Variants in PCDHGB1 observed in about 807,000 individuals in gnomAD.
PCDHGB1 encodes protocadherin gamma subfamily B, 1.
A neutral mutation model predicts 56.6 loss-of-function variants in PCDHGB1; 34 were observed. That is an observed-to-expected ratio of 0.60 (90% CI 0.46 to 0.80). The LOEUF (loss-of-function observed/expected upper bound fraction) is 0.80, where lower values mean the gene tolerates loss of function less well. Among genes scored for constraint, PCDHGB1 ranks in the 30% least tolerant of loss-of-function variants. The pLI is 0.00. For synonymous variants in PCDHGB1, 561 were observed against 505.9 expected, an observed-to-expected ratio of 1.11 and a Z score of -1.46; for missense variants, 1,278 against 1,204.6, an observed-to-expected ratio of 1.06 and a Z score of -0.90.
intron 1 of PCDHGB1, chr5:141,366,543 C>A: frequency 6.2e-7 from 1 of 1,614,244 alleles, no homozygotes; most frequent in Non-Finnish European, 8.5e-7. Context: ...GTGCCCGCCT[C>A]GCACTTTGTG....
At chr5:141,436,950 C>A (rs894702404) in intron 1 of PCDHGB1, among the ~76,000 whole-genome samples, 3 of 152,138 alleles carry the variant, frequency 2.0e-5, no homozygotes, top group African/African-American at 7.2e-5. Flanking sequence ...ATAGTGAAAT[C>A]TAAACAAGGA....
At chr5:141,353,808 C>T (rs1312387041) in intron 1 of PCDHGB1, among the ~76,000 whole-genome samples, 2 of 152,184 alleles carry the variant, frequency 1.3e-5, no homozygotes, top group Non-Finnish European at 2.9e-5. Context: ...TATTTCACCT[C>T]TCAATCATCC....
chr5:141,431,397 C>A lies in PCDHGB1; in HGVS notation c.2410-63410C>A. ...AAGGCTGCTCACCACCTGGTCCTTA[C>A]GGCCTCCGACGGGGGCGACCCGGTG... On this transcript the variant is annotated intron_variant, in intron 1 of 3. Coordinates refer to ENST00000523390, the MANE Select transcript of PCDHGB1 (RefSeq NM_018922.3). The surrounding 1 kb of genome is among the most constrained non-coding windows in gnomAD (Gnocchi z 4.8). 3.1e-6 allele frequency: 5 copies of A among 1,613,782 alleles called. No individual in the cohort carries two copies. Among genetic ancestry groups the A allele is most frequent in the Non-Finnish European group, 4.2e-6 (5 of 1,180,034 alleles).
In PCDHGB1 at chr5:141,366,878, A is replaced by AT. The variant is rs994289295; in HGVS notation, c.2409+14217dup. ...ACATTATTTGCTGTATTGGAGATTAATTTTTTTTATATAATTCATGCTTTC... is the reference window on the plus strand; with the variant it reads ...ACATTATTTGCTGTATTGGAGATTAATTTTTTTTTATATAATTCATGCTTTC... On this transcript the variant is annotated intron_variant, in intron 1 of 3. Coordinates refer to ENST00000523390, the MANE Select transcript of PCDHGB1 (RefSeq NM_018922.3). 4.5e-5 allele frequency: 61 copies of AT among 1,341,282 alleles called. No individual in the cohort carries two copies. The Admixed American group carries it at 4.7e-4, about 10-fold the overall frequency. 83.1% of individuals were successfully genotyped at this position (1,341,282 alleles called of 1,614,324 possible).
At chr5:141,398,818 C>G in intron 1 of PCDHGB1, 1 of 1,613,958 alleles carries the variant, frequency 6.2e-7, no homozygotes. Flanking sequence ...GCTCCGGATC[C>G]AGGTAACCGA....
At chr5:141,466,794 T>C (rs1487051313) in intron 1 of PCDHGB1, among the ~76,000 whole-genome samples, 2 of 152,226 alleles carry the variant, frequency 1.3e-5, no homozygotes, top group Non-Finnish European at 2.9e-5. Context: ...TGCCTCAAAC[T>C]AGATCCTATT....
chr5:141,436,877 A>G (rs2097851127), intron 1 of PCDHGB1, among the ~76,000 whole-genome samples: 1 of 152,252 alleles, frequency 6.6e-6, no homozygotes, highest in Admixed American at 6.5e-5. Flanking sequence ...AGGCCATAAA[A>G]GATGGGGGAA....
intron 1 of PCDHGB1, chr5:141,424,706 T>G (rs752721357): frequency 4.6e-5 from 7 of 152,190 alleles, no homozygotes; most frequent in Non-Finnish European, 8.8e-5. Context: ...TTTGTTCATT[T>G]TCAGTGTAGT....
Position 141,477,872 on chromosome 5 carries a change from G to A in PCDHGB1, c.2410-16935G>A. The stretch of plus-strand genomic sequence containing the variant: ...GGAGATGCTGCCTCGAGGTACCTCA[G>A]CTGGCCACCTAGTGTCACGGGTGGT... On this transcript the variant is annotated intron_variant, in intron 1 of 3. Coordinates refer to ENST00000523390, the MANE Select transcript of PCDHGB1 (RefSeq NM_018922.3). This position sits in a 1 kb window ranked among gnomAD's most constrained non-coding sequence, Gnocchi z 4.9. The A allele has an allele frequency of 6.2e-7, 1 of 1,614,180 alleles. No individual in the cohort carries two copies. Among genetic ancestry groups the A allele is most frequent in the African/African-American group, 1.3e-5 (1 of 75,058 alleles).
In PCDHGB1 at chr5:141,357,311, T is replaced by C. The variant is rs749963588; in HGVS notation, c.2409+4642T>C. 100 of 1,613,940 alleles carry C rather than the reference T, an allele frequency of 6.2e-5. No individual in the cohort carries two copies. The Middle Eastern group carries it at 2.1e-3, about 34-fold the overall frequency. ...GCAGTGGCCGCTGTCTCCTGCGTCT[T>C]CCTGGCTTTTGTCACGGTGCTGCTA... On this transcript the variant is annotated intron_variant, in intron 1 of 3. Coordinates refer to ENST00000523390, the MANE Select transcript of PCDHGB1 (RefSeq NM_018922.3).
chr5:141,411,573 GA>G (rs2095500797), intron 1 of PCDHGB1: 1 of 152,244 alleles, frequency 6.6e-6, no homozygotes, highest in Middle Eastern at 3.4e-3. Flanking sequence ...GACAGAGTGC[GA>G]CCCTGTCTCT....
At chr5:141,394,486 A>G (rs1446259630) in intron 1 of PCDHGB1, 2 of 1,613,980 alleles carry the variant, frequency 1.2e-6, no homozygotes, top group Non-Finnish European at 8.5e-7. Flanking sequence ...CAGAATGACA[A>G]CGCGCCCGAG....
intron 1 of PCDHGB1, chr5:141,375,132 CA>C (rs1265573516): frequency 6.2e-7 from 1 of 1,613,834 alleles, no homozygotes; most frequent in Non-Finnish European, 8.5e-7. Context: ...GTGGTTGTTA[CA>C]TCTGGAAGCA....
rs758417744 is a variant in PCDHGB1, at chr5:141,430,916, G to A, written c.2410-63891G>A. On this transcript the variant is annotated intron_variant, in intron 1 of 3. Coordinates refer to ENST00000523390, the MANE Select transcript of PCDHGB1 (RefSeq NM_018922.3). ...GGTGGGCGACATCTCCAGGGACCTG[G>A]GGCTGGAGCCCCGGGAGCTCGCGGA... The A allele has an allele frequency of 1.9e-6, 3 of 1,607,878 alleles. No individual in the cohort carries two copies. The East Asian group carries it at 6.7e-5, about 36-fold the overall frequency.
intron 3 of PCDHGB1, among the ~76,000 whole-genome samples, chr5:141,505,793 GGACTTGGATC>G (rs2099848390): frequency 6.6e-6 from 1 of 152,142 alleles, no homozygotes; most frequent in Non-Finnish European, 1.5e-5. Flanking sequence ...ACTATCCTTG[GGACTTGGATC>G]GACTTGCTCA....
chr5:141,415,507 A>G, intron 1 of PCDHGB1: 1 of 1,614,156 alleles, frequency 6.2e-7, no homozygotes, highest in Admixed American at 1.7e-5. Context: ...CCCCCAGCCC[A>G]ATTATGCGGA....
chr5:141,461,591 C>T (rs1368759571), intron 1 of PCDHGB1, among the ~76,000 whole-genome samples: 1 of 152,088 alleles, frequency 6.6e-6, no homozygotes, highest in Non-Finnish European at 1.5e-5. Flanking sequence ...GTTATATTTC[C>T]ATTATAATTT....
chr5:141,394,405 T>C, intron 1 of PCDHGB1: 2 of 1,614,222 alleles, frequency 1.2e-6, no homozygotes, highest in Non-Finnish European at 1.7e-6. Context: ...CTGCAGCTAC[T>C]GGTAACAGCC....
intron 1 of PCDHGB1, chr5:141,417,914 C>T: frequency 6.2e-7 from 1 of 1,602,320 alleles, no homozygotes; most frequent in Non-Finnish European, 8.5e-7. Context: ...GGTACTATTT[C>T]CTTTGCTGCT....
Sources: allele counts gnomAD v4.1 joint callset (sites outside exome capture counted in the v4.1 genomes callset), GRCh38; gene constraint gnomAD v4.1.1; non-coding constraint Gnocchi (gnomAD v3.1); transcripts MANE v1.5; gene names NCBI Gene and HGNC (gene_info 2026-07-23, HGNC 2026-07-21).